SNCAIP: variants seen among roughly 807,000 people sequenced by gnomAD.
SNCAIP encodes synphilin-1.
A neutral mutation model predicts 86.7 loss-of-function variants in SNCAIP; 43 were observed. That is an observed-to-expected ratio of 0.50 (90% CI 0.39 to 0.64). SNCAIP has a LOEUF of 0.64. SNCAIP is among the 30% of genes least tolerant of loss of function. The probability of loss-of-function intolerance (pLI) is 0.00; values close to 1 mark genes in which losing one functional copy is unlikely to be tolerated. For missense variants in SNCAIP, 981 were observed against 1,103.1 expected (o/e 0.89, Z 1.57); for synonymous variants, 417 against 427.2 (o/e 0.98, Z 0.29).
At chr5:122,335,228 T>C (rs1432548551) in intron 1 of SNCAIP, among the ~76,000 whole-genome samples, 1 of 152,172 alleles carries the variant, frequency 6.6e-6, no homozygotes, top group Non-Finnish European at 1.5e-5. Flanking sequence ...AAGTTTGAGA[T>C]GAACAATTGC....
chr5:122,372,603 A>G (rs1764496780), intron 1 of SNCAIP, among the ~76,000 whole-genome samples: 1 of 152,184 alleles, frequency 6.6e-6, no homozygotes. Flanking sequence ...TCTCAATGCC[A>G]TCTTTCTCTT....
At chr5:122,367,794 A>C (rs918354157) in intron 1 of SNCAIP, among the ~76,000 whole-genome samples, 2 of 151,984 alleles carry the variant, frequency 1.3e-5, no homozygotes, top group Admixed American at 6.6e-5. Context: ...GTTGTATAGC[A>C]CTCTGCATCC....
In SNCAIP at chr5:122,444,586, T is replaced by C. The variant is rs1781876618; in HGVS notation, c.1446T>C (p.Asn482=). 3.1e-6 allele frequency: 5 copies of C among 1,614,122 alleles called. No individual in the cohort carries two copies. In the Middle Eastern group the frequency reaches 8.2e-4, roughly 266 times the overall value. Residue 482 remains asparagine (N), a synonymous_variant, in exon 8 of 11, where the codon AAT becomes AAC. Transcript: ENST00000261368. ...AGACCTTGGTTGAATATGGAGCAAA[T>C]GTCACCATGCAGAACCACGCTGGGG... is the stretch of plus-strand genomic sequence containing the variant. ...CIQTLVEYGA[N]VTMQNHAGEK...
chr5:122,363,188 A>T (rs1762523411), intron 1 of SNCAIP, among the ~76,000 whole-genome samples: 2 of 151,568 alleles, frequency 1.3e-5, no homozygotes, highest in African/African-American at 4.8e-5. Context: ...TAGAGATGGG[A>T]TTTCTCCATG....
At chr5:122,353,558 A>T (rs542884098) in intron 1 of SNCAIP, among the ~76,000 whole-genome samples, 27 of 151,824 alleles carry the variant, frequency 1.8e-4, no homozygotes, top group Middle Eastern at 3.4e-3. Flanking sequence ...CATGGGAGGG[A>T]CCCAGTGGGA....
intron 1 of SNCAIP, among the ~76,000 whole-genome samples, chr5:122,358,517 C>T (rs148666677): frequency 6.6e-5 from 10 of 152,024 alleles, no homozygotes; most frequent in Non-Finnish European, 1.2e-4. Flanking sequence ...ATCTGACTTC[C>T]GGGAGAAAGG....
chr5:122,463,552 G>C lies in SNCAIP; in HGVS notation c.*56G>C. The stretch of plus-strand genomic sequence containing the variant: ...CAGCATAAAGCACATTGCTGAGCCA[G>C]AGTCAAAAGAACTCTTCTTGTAAAT... On this transcript the variant is annotated 3_prime_UTR_variant, in exon 11 of 11. Transcript: ENST00000261368. The C allele has an allele frequency of 2.5e-6, 4 of 1,599,902 alleles. No homozygotes were observed. Among genetic ancestry groups the C allele is most frequent in the Non-Finnish European group, 3.4e-6 (4 of 1,169,326 alleles).
chr5:122,396,345 A>T (rs1295202306), intron 2 of SNCAIP, among the ~76,000 whole-genome samples: 1 of 152,136 alleles, frequency 6.6e-6, no homozygotes, highest in African/African-American at 2.4e-5. Context: ...CAAACTCCAA[A>T]TCTTGGACTG....
chr5:122,405,328 A>C (rs1772741479), intron 3 of SNCAIP, among the ~76,000 whole-genome samples: 2 of 152,240 alleles, frequency 1.3e-5, no homozygotes, highest in Non-Finnish European at 2.9e-5. Flanking sequence ...CTTTGCAGAC[A>C]CAAGATTTTC....
At chr5:122,335,093 T>A (rs1051246304) in intron 1 of SNCAIP, among the ~76,000 whole-genome samples, 3 of 152,226 alleles carry the variant, frequency 2.0e-5, no homozygotes, top group African/African-American at 7.2e-5. Context: ...TACACATTTT[T>A]AAGGATTTTT....
chr5:122,372,893 A>G (rs6595364), intron 1 of SNCAIP, among the ~76,000 whole-genome samples: 151,811 of 152,132 alleles, frequency 1, 75,753 homozygotes, highest in Middle Eastern at 1. Flanking sequence ...TATTTCTAAC[A>G]TCCCTACAAG....
chr5:122,403,576 C>A (rs1012182633), intron 2 of SNCAIP, among the ~76,000 whole-genome samples: 12 of 152,074 alleles, frequency 7.9e-5, no homozygotes, highest in African/African-American at 2.4e-4. Context: ...GAGTGCCCAG[C>A]CCTCTTTTTA....
intron 1 of SNCAIP, among the ~76,000 whole-genome samples, chr5:122,357,643 C>A (rs1344179978): frequency 5.8e-4 from 87 of 150,182 alleles, no homozygotes; most frequent in African/African-American, 1.7e-3. Context: ...CTTTATTGTA[C>A]CTTTCTCGTC....
At chr5:122,338,447 T>A (rs1756932960) in intron 1 of SNCAIP, among the ~76,000 whole-genome samples, 1 of 152,232 alleles carries the variant, frequency 6.6e-6, no homozygotes, top group African/African-American at 2.4e-5. Context: ...TAAATTGGAT[T>A]ATCACTGTTA....
chr5:122,461,214 G>A (rs757535430), intron 10 of SNCAIP, among the ~76,000 whole-genome samples: 2 of 152,116 alleles, frequency 1.3e-5, no homozygotes, highest in East Asian at 3.8e-4. Context: ...TGTGTCTGTT[G>A]AGAAGCCCTA....
intron 1 of SNCAIP, among the ~76,000 whole-genome samples, chr5:122,372,198 A>G (rs1764410375): frequency 6.6e-6 from 1 of 152,228 alleles, no homozygotes; most frequent in African/African-American, 2.4e-5. Context: ...TAAATAAAAC[A>G]TCAGCTAATT....
intron 1 of SNCAIP, among the ~76,000 whole-genome samples, chr5:122,320,153 C>T (rs1035841310): frequency 6.6e-6 from 1 of 151,968 alleles, no homozygotes; most frequent in Non-Finnish European, 1.5e-5. Flanking sequence ...GGTCTCACCT[C>T]ACTCTCCTCC....
chr5:122,336,133 A>G (rs796322416), intron 1 of SNCAIP, among the ~76,000 whole-genome samples: 14 of 152,296 alleles, frequency 9.2e-5, no homozygotes, highest in African/African-American at 3.4e-4. Context: ...AAATAAGCCT[A>G]TTTTGCATAG....
chr5:122,451,131 C>T lies in SNCAIP; in HGVS notation c.2284C>T (p.Gln762Ter). 3 of 1,614,156 alleles carry T rather than the reference C, an allele frequency of 1.9e-6. No homozygotes were observed. The highest frequency in any genetic ancestry group is 2.5e-6 in the Non-Finnish European group (3 of 1,180,014). ...GAGCAGCGAACCAGACTTAGAATCC[C>T]AGTATCCAGGCTCAGGGAGTATTCC... ...SESSEPDLES[Q>*]YPGSGSIPPN... Residue 762 changes from glutamine (Q) to a stop codon, truncating the protein, a stop_gained, in exon 10 of 11, where the codon CAG becomes TAG. Transcript: ENST00000261368. LOFTEE classifies it high-confidence loss of function.
Sources: allele counts gnomAD v4.1 joint callset (sites outside exome capture counted in the v4.1 genomes callset), GRCh38; gene constraint gnomAD v4.1.1; transcripts MANE v1.5; gene names NCBI Gene and HGNC (gene_info 2026-07-23, HGNC 2026-07-21).